DPYD: variants seen among roughly 807,000 people sequenced by gnomAD.
DPYD encodes the protein dihydropyrimidine dehydrogenase, also known as dihydropyrimidine dehydrogenase [NADP(+)].
In DPYD, 109 loss-of-function variants were observed where a neutral mutation model predicts 116.2. The ratio of observed to expected loss-of-function variants is 0.94; its 90% confidence interval spans 0.80 to 1.10. The LOEUF is 1.10. Among genes scored for constraint, DPYD ranks in the 50% least tolerant of loss-of-function variants. The pLI is 0.00. For synonymous variants in DPYD, 440 were observed against 432.0 expected (o/e 1.02, Z -0.23); for missense variants, 1,302 against 1,254.5 (o/e 1.04, Z -0.57).
At chr1:97,742,723 T>C (rs530320524) in intron 3 of DPYD, among the ~76,000 whole-genome samples, 3 of 152,192 alleles carry the variant, frequency 2.0e-5, no homozygotes, top group Admixed American at 6.6e-5. Flanking sequence ...TGGATAAATA[T>C]ACTGAGCATT....
chr1:97,702,146 T>C (rs979539707), intron 5 of DPYD, among the ~76,000 whole-genome samples: 3 of 151,682 alleles, frequency 2.0e-5, no homozygotes, highest in Non-Finnish European at 4.4e-5. Context: ...CTGGTAGTTT[T>C]ATATGATCAT....
At chr1:97,762,011 GGA>G (rs994750836) in intron 3 of DPYD, among the ~76,000 whole-genome samples, 3 of 152,108 alleles carry the variant, frequency 2.0e-5, no homozygotes, top group Non-Finnish European at 2.9e-5. Context: ...ACTTGAGGGT[GGA>G]CAGTGGGAGG....
At position 97,695,592 on chromosome 1, in the gene DPYD, G is replaced by GAT. The variant is rs145285511; in HGVS notation, c.680+3757_680+3758dup. ...ATGACCAGCACATAGTTAAGTGATC[G>GAT]ATATATATATATACTGAAGGAAGGA... On this transcript the variant is annotated intron_variant, in intron 6 of 22. Transcript: ENST00000370192. 6.1e-3 allele frequency among the ~76,000 whole-genome samples: 920 copies of GAT among 150,076 alleles called. 11 individuals carry two copies. Among genetic ancestry groups the GAT allele is most frequent in the African/African-American group, 0.02 (822 of 40,754 alleles).
chr1:97,567,826 T>C (rs1433785921), intron 11 of DPYD, among the ~76,000 whole-genome samples: 3 of 152,116 alleles, frequency 2.0e-5, no homozygotes, highest in Non-Finnish European at 2.9e-5. Context: ...CATTTAAAAA[T>C]ATGTGCTTTT....
At chr1:97,150,219 T>G (rs1654917535) in intron 20 of DPYD, among the ~76,000 whole-genome samples, 1 of 152,016 alleles carries the variant, frequency 6.6e-6, no homozygotes. Context: ...CTATTTTTCT[T>G]CTAAGCATGC....
intron 20 of DPYD, among the ~76,000 whole-genome samples, chr1:97,137,767 G>A (rs375844167): frequency 2.6e-5 from 4 of 152,290 alleles, no homozygotes; most frequent in African/African-American, 9.6e-5. Context: ...CATGTAGGAT[G>A]ATCTACCTCT....
intron 22 of DPYD, among the ~76,000 whole-genome samples, chr1:97,081,865 G>A (rs1436685866): frequency 2.0e-5 from 3 of 151,850 alleles, no homozygotes; most frequent in African/African-American, 7.3e-5. Context: ...TATACAACTC[G>A]TTGGTGGGAA....
chr1:97,331,021 A>C (rs896069227), intron 16 of DPYD, among the ~76,000 whole-genome samples: 33 of 152,326 alleles, frequency 2.2e-4, no homozygotes, highest in African/African-American at 7.9e-4. Context: ...TGTAATGCTG[A>C]CATATTTCAT....
chr1:97,130,750 TCC>T (rs1335969769), intron 20 of DPYD, among the ~76,000 whole-genome samples: 1 of 45,924 alleles, frequency 2.2e-5, no homozygotes, highest in Non-Finnish European at 4.0e-5. Flanking sequence ...TTCTTCTTTC[TCC>T]CTTCCTTCCT....
intron 16 of DPYD, among the ~76,000 whole-genome samples, chr1:97,334,146 TC>T (rs1669168652): frequency 6.6e-6 from 1 of 152,164 alleles, no homozygotes; most frequent in Admixed American, 6.5e-5. Flanking sequence ...TTGGGACATA[TC>T]CCTCATGAAT....
intron 14 of DPYD, among the ~76,000 whole-genome samples, chr1:97,410,783 G>C (rs1373314315): frequency 6.6e-6 from 1 of 152,078 alleles, no homozygotes; most frequent in East Asian, 1.9e-4. Context: ...CAAAATGCTA[G>C]AAAATTCACC....
intron 18 of DPYD, among the ~76,000 whole-genome samples, chr1:97,235,817 C>T (rs1661879071): frequency 1.3e-5 from 2 of 152,002 alleles, no homozygotes; most frequent in African/African-American, 4.8e-5. Context: ...TTTATATGTA[C>T]TTCCCACAAT....
intron 8 of DPYD, among the ~76,000 whole-genome samples, chr1:97,607,095 T>G (rs566941111): frequency 6.6e-6 from 1 of 152,110 alleles, no homozygotes; most frequent in Non-Finnish European, 1.5e-5. Flanking sequence ...CCTAGAGGTA[T>G]GTTTTCATTC....
chr1:97,864,032 T>TG (rs1256950023), intron 2 of DPYD, among the ~76,000 whole-genome samples: 12 of 152,122 alleles, frequency 7.9e-5, no homozygotes, highest in African/African-American at 2.9e-4. Context: ...CTTATATCCT[T>TG]GGGAAAAAAG....
At chr1:97,183,559 T>G (rs1657793006) in intron 20 of DPYD, among the ~76,000 whole-genome samples, 1 of 152,128 alleles carries the variant, frequency 6.6e-6, no homozygotes, top group South Asian at 2.1e-4. Context: ...TCCCACTTTG[T>G]TCTCCTTTTT....
intron 18 of DPYD, among the ~76,000 whole-genome samples, chr1:97,263,331 A>G (rs770662424): frequency 3.3e-5 from 5 of 152,146 alleles, no homozygotes; most frequent in Non-Finnish European, 7.4e-5. Context: ...AAATCACTAT[A>G]AAGCTTTTAT....
chr1:97,340,571 G>A (rs1348821297), intron 16 of DPYD, among the ~76,000 whole-genome samples: 1 of 152,142 alleles, frequency 6.6e-6, no homozygotes, highest in Non-Finnish European at 1.5e-5. Context: ...CTACTTTCGG[G>A]AGGCTGAGGT....
intron 8 of DPYD, among the ~76,000 whole-genome samples, chr1:97,623,385 G>A (rs1212823517): frequency 6.6e-6 from 1 of 152,070 alleles, no homozygotes; most frequent in African/African-American, 2.4e-5. Context: ...AAAGTAAAAA[G>A]GATGTTCAGT....
At chr1:97,750,529 C>T (rs74108304) in intron 3 of DPYD, among the ~76,000 whole-genome samples, 10,790 of 152,080 alleles carry the variant, frequency 0.071, 415 homozygotes, top group Middle Eastern at 0.11. Context: ...TTATTAAAAA[C>T]AAGACATAGA....
Sources: gnomAD v4.1 joint callset for allele counts (sites outside exome capture counted in the v4.1 genomes callset) on GRCh38, gnomAD v4.1.1 for gene constraint, MANE v1.5 for transcripts, NCBI Gene and HGNC (gene_info 2026-07-23, HGNC 2026-07-21) for gene names.